Variants in SYNGR1 observed in about 807,000 individuals in gnomAD.
SYNGR1 encodes the protein synaptogyrin 1.
In SYNGR1, 14 loss-of-function variants were observed where a neutral mutation model predicts 26.1. That is an observed-to-expected ratio of 0.54 (90% CI 0.35 to 0.84). SYNGR1 has a LOEUF of 0.84. Ranked by LOEUF, SYNGR1 falls within the 40% of genes least tolerant of loss-of-function variation. SYNGR1 has a pLI of 0.01. For missense variants in SYNGR1, 319 were observed against 332.9 expected (o/e 0.96, Z 0.33); for synonymous variants, 141 against 150.1 (o/e 0.94, Z 0.44).
chr22:39,384,447 C>G lies in SYNGR1; in HGVS notation c.*2533C>G. The G allele has an allele frequency of 2.5e-6, 1 of 398,346 alleles. No individual in the cohort carries two copies. 24.7% of individuals were successfully genotyped at this position (398,346 alleles called of 1,614,324 possible). ...CCCGGGTTCAGCCCAGAAGCCCTTCCAGGCATGATCTTCCCCATCAGGCTG... is the reference window on the plus strand; with the variant it reads ...CCCGGGTTCAGCCCAGAAGCCCTTCGAGGCATGATCTTCCCCATCAGGCTG... On this transcript the variant is annotated 3_prime_UTR_variant, in exon 4 of 4. Coordinates refer to ENST00000328933, the MANE Select transcript of SYNGR1 (RefSeq NM_004711.5).
At chr22:39,377,696 C>T in intron 3 of SYNGR1, 1 of 1,613,250 alleles carries the variant, frequency 6.2e-7, no homozygotes, top group South Asian at 1.1e-5. Flanking sequence ...CGTAGGCCTC[C>T]CCGGCTTGCA....
chr22:39,373,036 C>A (rs1925100672), intron 1 of SYNGR1, among the ~76,000 whole-genome samples: 1 of 152,008 alleles, frequency 6.6e-6, no homozygotes, highest in South Asian at 2.1e-4. Context: ...CTTGCCATAT[C>A]CTGTAGTGGG....
intron 1 of SYNGR1, among the ~76,000 whole-genome samples, chr22:39,367,519 A>G (rs1888199524): frequency 6.6e-6 from 1 of 152,194 alleles, no homozygotes. Context: ...CCTTGACCCC[A>G]GCCTTAGAAG....
chr22:39,376,169 C>T lies in SYNGR1; in HGVS notation c.455C>T (p.Ala152Val). ...ACGGACGCAGCCCGGGCCGCCATCG[C>T]CTTCTCCTTTTTCTCCATCTTCACC... ...EGTDAARAAI[A>V]FSFFSIFTWA... Residue 152 changes from alanine (A) to valine (V), a missense_variant, in exon 3 of 4, where the codon GCC becomes GTC. Coordinates refer to ENST00000328933, the MANE Select transcript of SYNGR1 (RefSeq NM_004711.5). 1.2e-6 allele frequency: 2 copies of T among 1,614,206 alleles called. No individual in the cohort carries two copies. Among genetic ancestry groups the T allele is most frequent in the Middle Eastern group, 1.6e-4 (1 of 6,062 alleles).
chr22:39,377,535 G>A (rs1275203204), intron 3 of SYNGR1: 2 of 1,587,790 alleles, frequency 1.3e-6, no homozygotes, highest in Non-Finnish European at 1.7e-6. Context: ...CCTGAAGCCA[G>A]CCTCCCTCCT....
intron 3 of SYNGR1, chr22:39,377,862 C>G (rs1925358413): frequency 6.7e-7 from 1 of 1,495,450 alleles, no homozygotes. Context: ...TCACCGCCTC[C>G]TTCATTGATT....
Position 39,384,027 on chromosome 22 carries a change from C to T in SYNGR1, c.*2113C>T, listed in dbSNP as rs1407614785. The stretch of plus-strand genomic sequence containing the variant: ...CCGCCGCCAGGTGGCCCACATGGGA[C>T]CAGCATGGGGGCAGGTTATCTGTTG... On this transcript the variant is annotated 3_prime_UTR_variant, in exon 4 of 4. Coordinates refer to ENST00000328933, the MANE Select transcript of SYNGR1 (RefSeq NM_004711.5). The T allele has an allele frequency of 6.6e-6, 1 of 152,552 alleles. No homozygotes were observed. Among genetic ancestry groups the T allele is most frequent in the East Asian group, 1.9e-4 (1 of 5,288 alleles). 9.4% of individuals were successfully genotyped at this position (152,552 alleles called of 1,614,324 possible). A position where few individuals can be genotyped will look rare whatever the true frequency, so the allele number is the denominator to read the frequency against.
At chr22:39,358,696 A>G (rs910652978) in intron 1 of SYNGR1, among the ~76,000 whole-genome samples, 5 of 152,284 alleles carry the variant, frequency 3.3e-5, no homozygotes, top group Admixed American at 1.3e-4. Context: ...AACGAACTCC[A>G]GACGCACCAC....
At chr22:39,372,158 TCTCA>T (rs1346562588) in intron 1 of SYNGR1, among the ~76,000 whole-genome samples, 1 of 130,854 alleles carries the variant, frequency 7.6e-6, no homozygotes, top group Non-Finnish European at 1.5e-5. Context: ...TGAGACGGAG[TCTCA>T]CTCTGTTGCC....
intron 2 of SYNGR1, 108 bp downstream of exon 2, chr22:39,374,661 G>T: frequency 2.5e-6 from 3 of 1,193,964 alleles, no homozygotes; most frequent in Non-Finnish European, 3.6e-6. Context: ...AGGAAATGAG[G>T]TGCAGGCGGG....
rs1473973006 is a variant in SYNGR1, at chr22:39,376,074, C to T, written c.360C>T (p.Phe120=). The part of the protein sequence containing the change: ...GVSAFWAFLW[F]VGFCYLANQW... ...CAGCCTTCTGGGCTTTCCTCTGGTT[C>T]GTGGGATTCTGCTACCTGGCCAACC... Residue 120 remains phenylalanine (F), a synonymous_variant, in exon 3 of 4, where the codon TTC becomes TTT. Coordinates refer to ENST00000328933, the MANE Select transcript of SYNGR1 (RefSeq NM_004711.5). 18 of 1,614,076 alleles carry T rather than the reference C, an allele frequency of 1.1e-5. No homozygotes were observed. Among genetic ancestry groups the T allele is most frequent in the Admixed American group, 5.0e-5 (3 of 60,012 alleles).
rs751611540 is a variant in SYNGR1, at chr22:39,374,504, C to T, written c.288C>T (p.Ser96=). The change falls in exon 2 of 4, where the codon AGC becomes AGT. Residue 96 remains serine (S), a synonymous_variant. Transcript: ENST00000328933. ...LALDVYFPQI[S]SVKDRKKAVL... ...TGGACGTGTACTTCCCGCAGATCAG[C>T]AGCGTCAAGGACCGCAAGAAAGCCG... 1 of 1,613,664 alleles carries T rather than the reference C, an allele frequency of 6.2e-7. No homozygotes were observed. The highest frequency in any genetic ancestry group is 8.5e-7 in the Non-Finnish European group (1 of 1,180,040).
intron 1 of SYNGR1, chr22:39,364,061 CAG>C (rs1924616825): frequency 3.4e-6 from 5 of 1,465,716 alleles, no homozygotes; most frequent in Non-Finnish European, 4.6e-6. Context: ...CGACGCCCTG[CAG>C]TGGGTCCTAG....
Position 39,366,198 on chromosome 22 carries a change from C to G in SYNGR1, c.100-8118C>G, listed in dbSNP as rs571598029. Among the ~76,000 whole-genome samples, 4 of 147,252 alleles carry G rather than the reference C, an allele frequency of 2.7e-5. No individual in the cohort carries two copies. The South Asian group carries it at 8.8e-4, about 32-fold the overall frequency. On this transcript the variant is annotated intron_variant, in intron 1 of 3. Transcript: ENST00000328933. ...TAGGCTGGTCTCAAACCCCTGGGCTCACCCAGGAGTGATCACTCACCCTCA... is the reference window on the plus strand; with the variant it reads ...TAGGCTGGTCTCAAACCCCTGGGCTGACCCAGGAGTGATCACTCACCCTCA...
Position 39,381,778 on chromosome 22 carries a change from G to C in SYNGR1, c.566G>C (p.Ser189Thr), listed in dbSNP as rs950602735. The C allele has an allele frequency of 1.2e-6, 2 of 1,612,984 alleles. No homozygotes were observed. Among genetic ancestry groups the C allele is most frequent in the Non-Finnish European group, 1.7e-6 (2 of 1,179,944 alleles). The change falls in exon 4 of 4, where the codon AGC becomes ACC. Residue 189 changes from serine (S) to threonine (T), a missense_variant. By Grantham distance (58) the Ser-to-Thr change is moderately conservative. Transcript: ENST00000328933. Reference protein sequence around the residue: ...ALFSQDYMDPSQDSSMPYAPY... With the variant: ...ALFSQDYMDPTQDSSMPYAPY... The stretch of plus-strand genomic sequence containing the variant: ...TTCTCCCAGGACTACATGGACCCCA[G>C]CCAGGACTCCAGCATGCCTTACGCG...
At chr22:39,354,072 C>A (rs898401559) in intron 1 of SYNGR1, among the ~76,000 whole-genome samples, 3 of 152,166 alleles carry the variant, frequency 2.0e-5, no homozygotes, top group African/African-American at 7.2e-5. Context: ...CCATCTTGGC[C>A]AGGCTGGTCT....
chr22:39,371,651 G>T (rs1925024998), intron 1 of SYNGR1, among the ~76,000 whole-genome samples: 2 of 151,902 alleles, frequency 1.3e-5, no homozygotes, highest in Admixed American at 6.6e-5. Context: ...AATTAACCAG[G>T]TATCGTGGCA....
Position 39,384,247 on chromosome 22 carries a change from G to A in SYNGR1, c.*2333G>A, listed in dbSNP as rs879283688. On this transcript the variant is annotated 3_prime_UTR_variant, in exon 4 of 4. Coordinates refer to ENST00000328933, the MANE Select transcript of SYNGR1 (RefSeq NM_004711.5). Reference sequence around the variant, plus strand: ...GGGTACTGCCCATCTGTTTCTCCTCGGGTGCCAGCCAGCTGCTGGTGATCC... The same window carrying A: ...GGGTACTGCCCATCTGTTTCTCCTCAGGTGCCAGCCAGCTGCTGGTGATCC... The A allele has an allele frequency of 1.7e-4, 57 of 334,134 alleles. No homozygotes were observed. The highest frequency in any genetic ancestry group is 2.5e-4 in the Non-Finnish European group (47 of 185,102). The allele number at this position is 334,134 out of a possible 1,614,324, so 20.7% of individuals were successfully genotyped here.
intron 2 of SYNGR1, 52 bp downstream of exon 2, chr22:39,374,605 C>T (rs1925189765): frequency 6.9e-6 from 11 of 1,587,512 alleles, no homozygotes; most frequent in Non-Finnish European, 8.6e-6. Context: ...GAGGGCTGTC[C>T]CGGCCATAGG....
Sources: gnomAD v4.1 joint callset for allele counts (sites outside exome capture counted in the v4.1 genomes callset) on GRCh38, gnomAD v4.1.1 for gene constraint, MANE v1.5 for transcripts, NCBI Gene and HGNC (gene_info 2026-07-23, HGNC 2026-07-21) for gene names.